C7orf78: variants seen among roughly 807,000 people sequenced by gnomAD.
C7orf78 encodes chromosome 7 open reading frame 78.
the C7orf78 span, among the ~76,000 whole-genome samples, chr7:12,513,267 T>C: frequency 6.6e-6 from 1 of 151,810 alleles, no homozygotes; most frequent in Admixed American, 6.6e-5. Context: ...TATTTTTGGG[T>C]TTGGTTTCTT....
the C7orf78 span, among the ~76,000 whole-genome samples, chr7:12,496,945 T>A: frequency 1.0e-4 from 15 of 150,384 alleles, no homozygotes; most frequent in Middle Eastern, 3.4e-3. Context: ...ACAGAAAAAA[T>A]TTTGGCTTCT....
chr7:12,514,913 A>AT, the C7orf78 span, among the ~76,000 whole-genome samples: 2 of 152,152 alleles, frequency 1.3e-5, no homozygotes, highest in Non-Finnish European at 2.9e-5. Context: ...AGGTGATAGG[A>AT]TTTTTTCTTT....
At chr7:12,493,932 G>C in the C7orf78 span, among the ~76,000 whole-genome samples, 1 of 152,174 alleles carries the variant, frequency 6.6e-6, no homozygotes, top group Non-Finnish European at 1.5e-5. Flanking sequence ...TTTGAAATTG[G>C]ACAAATAAAA....
the C7orf78 span, among the ~76,000 whole-genome samples, chr7:12,487,304 C>T: frequency 1.6e-3 from 248 of 152,148 alleles, no homozygotes; most frequent in Non-Finnish European, 1.7e-3. Context: ...TTTTACAAGT[C>T]TGTCTTTGAG....
At chr7:12,539,320 C>T in the C7orf78 span, among the ~76,000 whole-genome samples, 21 of 152,008 alleles carry the variant, frequency 1.4e-4, no homozygotes, top group Non-Finnish European at 2.1e-4. Flanking sequence ...AAAAATTAGC[C>T]GGGCGTGGTG....
chr7:12,535,157 G>A, the C7orf78 span, among the ~76,000 whole-genome samples: 1 of 152,248 alleles, frequency 6.6e-6, no homozygotes, highest in Non-Finnish European at 1.5e-5. Context: ...AAAATAAGAA[G>A]ATAAACAACA....
At chr7:12,489,058 T>C in the C7orf78 span, among the ~76,000 whole-genome samples, 1 of 152,078 alleles carries the variant, frequency 6.6e-6, no homozygotes, top group Admixed American at 6.6e-5. Flanking sequence ...GGTGAAGATA[T>C]TTGCAATATA....
the C7orf78 span, among the ~76,000 whole-genome samples, chr7:12,488,036 T>C: frequency 2.0e-5 from 3 of 152,080 alleles, no homozygotes; most frequent in South Asian, 2.1e-4. Context: ...AGAAACCCTC[T>C]ACTGGAAGTA....
chr7:12,523,408 A>G, the C7orf78 span: 1 of 398,294 alleles, frequency 2.5e-6, no homozygotes, highest in Non-Finnish European at 4.4e-6. Context: ...TCAATCCCAA[A>G]CCACATGACT....
At chr7:12,509,907 G>C in the C7orf78 span, among the ~76,000 whole-genome samples, 3 of 151,938 alleles carry the variant, frequency 2.0e-5, no homozygotes, top group Non-Finnish European at 4.4e-5. Flanking sequence ...GGTGGCGGGT[G>C]CCTGTAATCC....
chr7:12,528,611 A>C, the C7orf78 span, among the ~76,000 whole-genome samples: 1 of 152,244 alleles, frequency 6.6e-6, no homozygotes, highest in Non-Finnish European at 1.5e-5. Context: ...ACATATTTTA[A>C]GGAAAACTTA....
chr7:12,528,345 G>C, the C7orf78 span, among the ~76,000 whole-genome samples: 718 of 149,368 alleles, frequency 4.8e-3, no homozygotes, highest in East Asian at 0.023. Flanking sequence ...CTGTGTAATT[G>C]AAATGGAACA....
At chr7:12,503,508 A>C in the C7orf78 span, among the ~76,000 whole-genome samples, 14,494 of 152,060 alleles carry the variant, frequency 0.095, 855 homozygotes, top group Non-Finnish European at 0.13. Context: ...AAGTGTGTGA[A>C]ATAAGATTAG....
the C7orf78 span, chr7:12,505,915 A>C: frequency 6.6e-6 from 1 of 152,224 alleles, no homozygotes; most frequent in African/African-American, 2.4e-5. Context: ...CAAAAGGATA[A>C]TATGTAATAA....
the C7orf78 span, among the ~76,000 whole-genome samples, chr7:12,532,393 CA>C: frequency 2.6e-5 from 4 of 151,826 alleles, no homozygotes; most frequent in Non-Finnish European, 4.4e-5. Context: ...ACTGAAAATA[CA>C]AAAAATTAGC....
chr7:12,510,481 A>C, the C7orf78 span, among the ~76,000 whole-genome samples: 1 of 152,142 alleles, frequency 6.6e-6, no homozygotes, highest in African/African-American at 2.4e-5. Flanking sequence ...TACTTTTTTG[A>C]GAAATCTCCA....
At chr7:12,538,748 T>C in the C7orf78 span, among the ~76,000 whole-genome samples, 1 of 152,140 alleles carries the variant, frequency 6.6e-6, no homozygotes. Flanking sequence ...TCCATACGGC[T>C]CACCAAATGG....
the C7orf78 span, among the ~76,000 whole-genome samples, chr7:12,497,588 C>T: frequency 6.6e-6 from 1 of 152,156 alleles, no homozygotes; most frequent in African/African-American, 2.4e-5. Context: ...GGTCCTACCC[C>T]ACGGAGTCTC....
the C7orf78 span, among the ~76,000 whole-genome samples, chr7:12,525,631 A>C: frequency 6.6e-6 from 1 of 152,130 alleles, no homozygotes; most frequent in Non-Finnish European, 1.5e-5. Flanking sequence ...TTTATACACT[A>C]TTTAAATCTT....
Sources: allele counts gnomAD v4.1 joint callset (sites outside exome capture counted in the v4.1 genomes callset), GRCh38; gene constraint gnomAD v4.1.1; transcripts MANE v1.5; gene names NCBI Gene and HGNC (gene_info 2026-07-23, HGNC 2026-07-21).